Variants in ZNF317 observed in about 807,000 individuals in gnomAD.
ZNF317 encodes zinc finger protein 317, also known as KRAB-containing zinc finger protein 317.
In ZNF317, 17 loss-of-function variants were observed where a neutral mutation model predicts 23.4. The ratio of observed to expected loss-of-function variants is 0.73; its 90% CI spans 0.50 to 1.09. The LOEUF is 1.09. Ranked by LOEUF, ZNF317 falls within the 50% of genes least tolerant of loss-of-function variation. ZNF317 has a pLI of 0.00. For missense variants in ZNF317, 679 were observed against 796.7 expected (o/e 0.85, Z 1.78); for synonymous variants, 317 against 314.9 (o/e 1.01, Z -0.07).
Position 9,154,185 on chromosome 19 carries a change from TTAAA to T in ZNF317, c.-92-1736_-92-1733del, listed in dbSNP as rs1407724691. 4.6e-5 allele frequency among the ~76,000 whole-genome samples: 7 copies of T among 152,270 alleles called. 1 individual carries two copies. Among genetic ancestry groups the T allele is most frequent in the South Asian group, 4.2e-4 (2 of 4,818 alleles). The stretch of plus-strand genomic sequence containing the variant: ...CATAGATCAGTTGTGAGAAGACTGT[TTAAA>T]TAACTAGAAGCAAGAAGGTAAGAAA... On this transcript the variant is annotated intron_variant, in intron 1 of 6. Coordinates refer to ENST00000247956, the MANE Select transcript of ZNF317 (RefSeq NM_020933.5).
In ZNF317 at chr19:9,158,839, A is replaced by G; in HGVS notation, c.399A>G (p.Pro133=). 1 of 1,610,072 alleles carries G rather than the reference A, an allele frequency of 6.2e-7. No homozygotes were observed. Among genetic ancestry groups the G allele is most frequent in the Non-Finnish European group, 8.5e-7 (1 of 1,176,270 alleles). The change falls in exon 6 of 7, where the codon CCA becomes CCG. Residue 133 remains proline, a synonymous_variant. Coordinates refer to ENST00000247956, the MANE Select transcript of ZNF317 (RefSeq NM_020933.5). The part of the protein sequence containing the change: ...HQGACADWET[P]SKTKWSLLME... Reference sequence around the variant, plus strand: ...AATTTGTTTCAGATTGGGAGACTCCATCTAAAACCAAGTGGTCACTTCTTA... The same window carrying G: ...AATTTGTTTCAGATTGGGAGACTCCGTCTAAAACCAAGTGGTCACTTCTTA...
intron 1 of ZNF317, among the ~76,000 whole-genome samples, chr19:9,150,176 ACT>A (rs2050723981): frequency 6.6e-6 from 1 of 152,082 alleles, no homozygotes; most frequent in African/African-American, 2.4e-5. Context: ...CCTGGCTGCC[ACT>A]CACTCTGAGT....
At chr19:9,158,727 A>C in intron 5 of ZNF317, 99 bp from the exon 6 acceptor site, 1 of 797,192 alleles carries the variant, frequency 1.3e-6, no homozygotes, top group Middle Eastern at 2.3e-4. Context: ...ACTTTTCCTT[A>C]CATAGCCTTA....
intron 1 of ZNF317, among the ~76,000 whole-genome samples, chr19:9,151,253 G>A (rs1029262561): frequency 2.0e-5 from 3 of 152,148 alleles, no homozygotes; most frequent in African/African-American, 7.2e-5. Flanking sequence ...AAGAATGAAA[G>A]CGTCATGCAT....
chr19:9,157,488 G>A, intron 4 of ZNF317, 94 bp downstream of exon 4: 1 of 1,515,598 alleles, frequency 6.6e-7, no homozygotes, highest in Non-Finnish European at 9.0e-7. Context: ...CAGCGGTTCA[G>A]AACGCAGCTG....
intron 3 of ZNF317, chr19:9,156,966 G>C: frequency 1.5e-6 from 1 of 683,030 alleles, no homozygotes; most frequent in Non-Finnish European, 2.4e-6. Context: ...AAAATCTCAG[G>C]CCCTTGCTCA....
intron 6 of ZNF317, among the ~76,000 whole-genome samples, chr19:9,159,905 A>G (rs536746312): frequency 6.6e-6 from 1 of 152,314 alleles, no homozygotes; most frequent in South Asian, 2.1e-4. Context: ...AAAAAGTAAC[A>G]CATGTGGAGC....
At chr19:9,157,951 C>T (rs1304745497) in intron 4 of ZNF317, 29 bp from the exon 5 acceptor site, 2 of 1,548,898 alleles carry the variant, frequency 1.3e-6, no homozygotes, top group Admixed American at 2.0e-5. Flanking sequence ...ATGGCCCTCC[C>T]TCAACCTGTG....
chr19:9,158,155 A>C (rs2050806622), intron 5 of ZNF317, 80 bp downstream of exon 5: 1 of 1,441,108 alleles, frequency 6.9e-7, no homozygotes, highest in Non-Finnish European at 9.1e-7. Flanking sequence ...TAGGTTAGGG[A>C]GTGTCACCCA....
chr19:9,154,324 A>G (rs1316311119), intron 1 of ZNF317, among the ~76,000 whole-genome samples: 1 of 152,252 alleles, frequency 6.6e-6, no homozygotes, highest in Non-Finnish European at 1.5e-5. Context: ...TACACTGTAC[A>G]TCTGAAAATA....
chr19:9,160,911 G>A lies in ZNF317; in HGVS notation c.1266G>A (p.Gln422=), dbSNP rs774767292. The change falls in exon 7 of 7, where the codon CAG becomes CAA. Residue 422 remains glutamine, a synonymous_variant. Coordinates refer to ENST00000247956, the MANE Select transcript of ZNF317 (RefSeq NM_020933.5). The surrounding 1 kb of genome is among the most constrained non-coding windows in gnomAD (Gnocchi z 6.8). ...TCAAGAAACCCGTGGAATGTCGGCA[G>A]TGCGGGAAGACCTTCCGAAACCAGT... ...HIVKKPVECR[Q]CGKTFRNQSI... is the part of the protein sequence containing the mutation. 1.2e-6 allele frequency: 2 copies of A among 1,614,242 alleles called. No homozygotes were observed. Among genetic ancestry groups the A allele is most frequent in the South Asian group, 1.1e-5 (1 of 91,088 alleles).
In ZNF317 at chr19:9,162,933, G is replaced by A. The variant is rs2050875557; in HGVS notation, c.*1500G>A. 2 of 152,198 alleles carry A rather than the reference G, an allele frequency of 1.3e-5. No homozygotes were observed. Among genetic ancestry groups the A allele is most frequent in the South Asian group, 4.1e-4 (2 of 4,822 alleles). 9.4% of individuals were successfully genotyped at this position (152,198 alleles called of 1,614,324 possible). A position where few individuals can be genotyped will look rare whatever the true frequency, so the allele number is the denominator to read the frequency against. ...TTTGCAGCCTGCTGTCCAGCCAAGA[G>A]TGACAGATACTTCTAGTGACTTCCC... On this transcript the variant is annotated 3_prime_UTR_variant, in exon 7 of 7. Transcript: ENST00000247956.
intron 1 of ZNF317, among the ~76,000 whole-genome samples, chr19:9,149,923 G>A (rs1366073466): frequency 6.6e-6 from 1 of 152,178 alleles, no homozygotes; most frequent in Non-Finnish European, 1.5e-5. Flanking sequence ...CAGTGTAGGT[G>A]GTGAGAAGCA....
At chr19:9,158,206 A>G in intron 5 of ZNF317, 131 bp downstream of exon 5, 3 of 1,204,164 alleles carry the variant, frequency 2.5e-6, no homozygotes, top group Non-Finnish European at 3.3e-6. Context: ...TTGCCCATCC[A>G]TTCTCTGACA....
At chr19:9,147,493 A>G (rs899081968) in intron 1 of ZNF317, among the ~76,000 whole-genome samples, 1 of 151,944 alleles carries the variant, frequency 6.6e-6, no homozygotes, top group African/African-American at 2.4e-5. Flanking sequence ...GGCGCCCGCC[A>G]CCGCGCCCGG....
chr19:9,154,532 C>T (rs957715936), intron 1 of ZNF317, among the ~76,000 whole-genome samples: 20 of 152,162 alleles, frequency 1.3e-4, no homozygotes, highest in Non-Finnish European at 2.5e-4. Flanking sequence ...GTAGGGATTT[C>T]TCCATGTAGT....
intron 1 of ZNF317, among the ~76,000 whole-genome samples, chr19:9,153,990 G>A (rs1436648439): frequency 2.0e-5 from 3 of 152,170 alleles, no homozygotes; most frequent in Non-Finnish European, 4.4e-5. Flanking sequence ...ACCTGAGCAT[G>A]TGTCCATGCA....
At position 9,161,047 on chromosome 19, in the gene ZNF317, C is replaced by T. The variant is rs887902240; in HGVS notation, c.1402C>T (p.His468Tyr). 1.9e-6 allele frequency: 3 copies of T among 1,614,172 alleles called. No individual in the cohort carries two copies. The highest frequency in any genetic ancestry group is 2.5e-6 in the Non-Finnish European group (3 of 1,180,034). The change falls in exon 7 of 7, where the codon CAC becomes TAC. Residue 468 changes from histidine to tyrosine, a missense_variant. His to Tyr is a moderately conservative substitution (Grantham distance 83). Transcript: ENST00000247956. The surrounding 1 kb of genome is among the most constrained non-coding windows in gnomAD (Gnocchi z 4.0). ...AAACCTCACCGCACACAGGAAGATA[C>T]ACACGCAAGAGAGACGCTACGAATG... ...SSNLTAHRKIHTQERRYECAA... is the reference protein window; with the variant it reads ...SSNLTAHRKIYTQERRYECAA...
Position 9,162,546 on chromosome 19 carries a change from C to T in ZNF317, c.*1113C>T, listed in dbSNP as rs923322429. 7.0e-6 allele frequency: 1 copy of T among 142,128 alleles called. No homozygotes were observed. Among genetic ancestry groups the T allele is most frequent in the Non-Finnish European group, 1.5e-5 (1 of 66,364 alleles). 8.8% of individuals were successfully genotyped at this position (142,128 alleles called of 1,614,324 possible). A position where few individuals can be genotyped will look rare whatever the true frequency, so the allele number is the denominator to read the frequency against. ...TCCGGTGAATACGGGATTGCACTTA[C>T]TCTTTCATCACGGAAACAGACCCCC... On this transcript the variant is annotated 3_prime_UTR_variant, in exon 7 of 7. Transcript: ENST00000247956.
Sources: allele counts gnomAD v4.1 joint callset (sites outside exome capture counted in the v4.1 genomes callset), GRCh38; gene constraint gnomAD v4.1.1; non-coding constraint Gnocchi (gnomAD v3.1); transcripts MANE v1.5; gene names NCBI Gene and HGNC (gene_info 2026-07-23, HGNC 2026-07-21).